GCC2: variants seen among roughly 807,000 people sequenced by gnomAD.
The protein encoded by GCC2 is GRIP and coiled-coil domain containing 2, also known as GRIP and coiled-coil domain-containing protein 2.
A neutral mutation model predicts 210.6 loss-of-function variants in GCC2; 120 were observed. That is an observed-to-expected ratio of 0.57 (90% CI 0.49 to 0.66). The LOEUF is 0.66. Ranked by LOEUF, GCC2 falls within the 30% of genes least tolerant of loss-of-function variation. GCC2 has a pLI of 0.00. For synonymous variants in GCC2, 703 were observed against 652.7 expected (o/e 1.08, Z -1.17); for missense variants, 1,868 against 1,871.9 (o/e 1.00, Z 0.04).
intron 21 of GCC2, 137 bp downstream of exon 21, chr2:108,497,246 A>G (rs1682691097): frequency 7.1e-7 from 1 of 1,414,888 alleles, no homozygotes; most frequent in Non-Finnish European, 9.9e-7. Context: ...CCTCCCGAGT[A>G]GCTGGGACTA....
At chr2:108,467,792 G>T (rs1312724489) in intron 4 of GCC2, among the ~76,000 whole-genome samples, 1 of 152,140 alleles carries the variant, frequency 6.6e-6, no homozygotes, top group African/African-American at 2.4e-5. Flanking sequence ...AGAATAACTT[G>T]GGGATTATTC....
At position 108,497,039 on chromosome 2, in the gene GCC2, G is replaced by A; in HGVS notation, c.4712G>A (p.Ser1571Asn). ...LVQKLSSTTK[S>N]ADHLNGLLRE... ...CAGAAGCTCAGTTCCACCACAAAAA[G>A]TGCAGATCACTTAAACGGCCTGCTT... The change falls in exon 21 of 23, where the codon AGT becomes AAT. Residue 1571 changes from serine to asparagine, a missense_variant. By Grantham distance (46) the Ser-to-Asn change is conservative. This residue lies in a region of GCC2 where 1,847 missense variants were observed against 1,765.2 expected (regional missense o/e 1.05). Transcript: ENST00000309863. 6.2e-7 allele frequency: 1 copy of A among 1,612,004 alleles called. No individual in the cohort carries two copies. Among genetic ancestry groups the A allele is most frequent in the Non-Finnish European group, 8.5e-7 (1 of 1,179,868 alleles).
chr2:108,498,183 C>CTTTTTTTTTTTTTTTTTTTTTTTTTT (rs3084885), intron 21 of GCC2, among the ~76,000 whole-genome samples: 6 of 57,466 alleles, frequency 1.0e-4, no homozygotes, highest in Admixed American at 2.4e-4. Flanking sequence ...GTTATATTTT[C>CTTTTTTTTTTTTTTTTTTTTTTTTTT]TTTTTTTTTT....
intron 4 of GCC2, among the ~76,000 whole-genome samples, chr2:108,462,271 T>C (rs1036793853): frequency 4.8e-5 from 7 of 147,076 alleles, no homozygotes; most frequent in African/African-American, 1.7e-4. Context: ...GGCGGGCAGA[T>C]CATGAGGTCA....
Position 108,470,432 on chromosome 2 carries a change from A to G in GCC2, c.1103A>G (p.Asp368Gly), listed in dbSNP as rs751794952. 1 of 1,606,456 alleles carries G rather than the reference A, an allele frequency of 6.2e-7. No individual in the cohort carries two copies. Among genetic ancestry groups the G allele is most frequent in the South Asian group, 1.1e-5 (1 of 90,590 alleles). Reference sequence around the variant, plus strand: ...AATCTTAAGTTAAAACTTGAAATGGATGCTCAACATATAAAGGATGAGTTT... The same window carrying G: ...AATCTTAAGTTAAAACTTGAAATGGGTGCTCAACATATAAAGGATGAGTTT... Reference protein sequence around the residue: ...MNNLKLKLEMDAQHIKDEFFH... With the variant: ...MNNLKLKLEMGAQHIKDEFFH... Residue 368 changes from aspartate to glycine, a missense_variant, in exon 6 of 23, where the codon GAT (aspartate) becomes GGT (glycine). Around this residue, in one of 3 missense-constraint regions of GCC2, gnomAD observed 1,847 missense variants for 1,765.2 expected, o/e 1.05. Coordinates refer to ENST00000309863, the MANE Select transcript of GCC2 (RefSeq NM_181453.4).
Position 108,492,797 on chromosome 2 carries a change from A to G in GCC2, c.4447+7A>G, listed in dbSNP as rs1186594581. ...AATGAACCGACCACAAGAAGTATGT[A>G]TGTACACATGGAAATATTAGTTGTT... On this transcript the variant is annotated splice_region_variant and intron_variant, in intron 19 of 22. Coordinates refer to ENST00000309863, the MANE Select transcript of GCC2 (RefSeq NM_181453.4). 1 of 1,562,862 alleles carries G rather than the reference A, an allele frequency of 6.4e-7. No homozygotes were observed.
chr2:108,449,481 A>T, intron 1 of GCC2, 152 bp from the exon 2 acceptor site: 1 of 1,180,348 alleles, frequency 8.5e-7, no homozygotes. Flanking sequence ...GAATTGCCAC[A>T]GCGACCGCCT....
intron 9 of GCC2, 58 bp downstream of exon 9, chr2:108,475,908 T>A: frequency 1.1e-6 from 1 of 872,650 alleles, no homozygotes; most frequent in Non-Finnish European, 1.8e-6. Flanking sequence ...ACTTCTAAGT[T>A]AAGAAATGTA....
chr2:108,453,807 A>C (rs931177320), intron 4 of GCC2, among the ~76,000 whole-genome samples: 7 of 151,592 alleles, frequency 4.6e-5, no homozygotes, highest in African/African-American at 1.5e-4. Context: ...AAAAAACACA[A>C]AAAATCTGAG....
At chr2:108,482,073 C>T (rs184224857) in intron 10 of GCC2, among the ~76,000 whole-genome samples, 150 of 152,254 alleles carry the variant, frequency 9.9e-4, no homozygotes, top group Non-Finnish European at 1.8e-4. Context: ...GCTCTTTGCT[C>T]TGCCAGTGCA....
chr2:108,500,417 G>T (rs1034029922), intron 22 of GCC2, among the ~76,000 whole-genome samples: 8 of 152,334 alleles, frequency 5.3e-5, no homozygotes, highest in African/African-American at 1.4e-4. Flanking sequence ...GGAGATTGAG[G>T]CAGGAGAATT....
At chr2:108,475,895 A>G (rs928344324) in intron 9 of GCC2, 45 bp downstream of exon 9, 2 of 1,013,526 alleles carry the variant, frequency 2.0e-6, no homozygotes, top group Non-Finnish European at 3.0e-6. Flanking sequence ...AGTTGTAATA[A>G]TAACTTCTAA....
At chr2:108,453,919 C>T (rs1680100375) in intron 4 of GCC2, among the ~76,000 whole-genome samples, 1 of 152,054 alleles carries the variant, frequency 6.6e-6, no homozygotes, top group Non-Finnish European at 1.5e-5. Flanking sequence ...GTTTCTTTTA[C>T]ATCTCAGAGC....
At chr2:108,457,318 G>A (rs1375090149) in intron 4 of GCC2, among the ~76,000 whole-genome samples, 1 of 151,982 alleles carries the variant, frequency 6.6e-6, no homozygotes, top group Non-Finnish European at 1.5e-5. Context: ...ATTTATTTTT[G>A]GGTTCTCTAT....
At chr2:108,459,070 A>G (rs1443597667) in intron 4 of GCC2, among the ~76,000 whole-genome samples, 1 of 152,130 alleles carries the variant, frequency 6.6e-6, no homozygotes, top group Non-Finnish European at 1.5e-5. Flanking sequence ...CTTAGTATTC[A>G]TGTCCTGCTT....
intron 18 of GCC2, chr2:108,490,222 A>G (rs114361097): frequency 1.1e-5 from 4 of 376,622 alleles, no homozygotes; most frequent in Admixed American, 4.6e-5. Flanking sequence ...ATTAATGTCT[A>G]TCTGCTCATC....
intron 1 of GCC2, 126 bp downstream of exon 1, chr2:108,449,406 G>C: frequency 2.8e-6 from 4 of 1,433,116 alleles, no homozygotes; most frequent in Non-Finnish European, 3.7e-6. Context: ...CGCTGCTGTC[G>C]CCTCCCCATC....
intron 16 of GCC2, 149 bp downstream of exon 16, chr2:108,486,797 A>AC: frequency 1.8e-6 from 1 of 548,124 alleles, no homozygotes; most frequent in Non-Finnish European, 2.9e-6. Flanking sequence ...TCTGGCTTTA[A>AC]CCCCAATCCC....
chr2:108,503,930 G>A (rs1488490005), intron 22 of GCC2, among the ~76,000 whole-genome samples: 2 of 152,206 alleles, frequency 1.3e-5, no homozygotes, highest in Admixed American at 6.5e-5. Context: ...GCAACATGGC[G>A]AGACCCTATG....
Sources: allele counts gnomAD v4.1 joint callset (sites outside exome capture counted in the v4.1 genomes callset), GRCh38; gene constraint gnomAD v4.1.1; regional missense constraint gnomAD v4.1.1; transcripts MANE v1.5; gene names NCBI Gene and HGNC (gene_info 2026-07-23, HGNC 2026-07-21).